The following CNTNAP5 variants were observed in gnomAD, a reference collection of about 807,000 sequenced individuals.
CNTNAP5 encodes the protein contactin-associated protein-like 5.
A neutral mutation model predicts 150.2 loss-of-function variants in CNTNAP5; 72 were observed. The observed-to-expected ratio is 0.48, with a 90% confidence interval of 0.40 to 0.58. The LOEUF is 0.58. Among genes scored for constraint, CNTNAP5 ranks in the 20% least tolerant of loss-of-function variants. The pLI is 0.00. For synonymous variants in CNTNAP5, 672 were observed against 619.8 expected, an observed-to-expected ratio of 1.08 and a Z score of -1.25; for missense variants, 1,636 against 1,626.2, an observed-to-expected ratio of 1.01 and a Z score of -0.10.
At chr2:124,468,275 G>C (rs1160399033) in intron 6 of CNTNAP5, among the ~76,000 whole-genome samples, 1 of 152,082 alleles carries the variant, frequency 6.6e-6, no homozygotes, top group Admixed American at 6.6e-5. Flanking sequence ...GGAAGGTAGT[G>C]GCTCAGTCCA....
At chr2:124,780,907 T>C (rs1681435908) in intron 17 of CNTNAP5, among the ~76,000 whole-genome samples, 1 of 152,232 alleles carries the variant, frequency 6.6e-6, no homozygotes, top group South Asian at 2.1e-4. Flanking sequence ...ATGATTGTTT[T>C]AAATTGAAAT....
chr2:124,449,393 A>G (rs1216522766), intron 6 of CNTNAP5, among the ~76,000 whole-genome samples: 1 of 152,160 alleles, frequency 6.6e-6, no homozygotes, highest in Non-Finnish European at 1.5e-5. Context: ...ACAAACAAAA[A>G]AACCTATAAA....
intron 13 of CNTNAP5, among the ~76,000 whole-genome samples, chr2:124,672,148 T>C (rs1358189489): frequency 2.0e-5 from 3 of 152,174 alleles, no homozygotes; most frequent in South Asian, 2.1e-4. Flanking sequence ...TCTTTTTGGC[T>C]TGGAGGTGGC....
chr2:124,862,900 G>A (rs1452405321), intron 19 of CNTNAP5, among the ~76,000 whole-genome samples: 6 of 152,162 alleles, frequency 3.9e-5, no homozygotes. Flanking sequence ...TCCTAAGAAG[G>A]CGAGTGAAGT....
intron 8 of CNTNAP5, among the ~76,000 whole-genome samples, chr2:124,505,450 TA>T (rs1320765723): frequency 6.6e-6 from 1 of 152,050 alleles, no homozygotes; most frequent in Non-Finnish European, 1.5e-5. Flanking sequence ...TAAAACCATT[TA>T]AAAAATATAT....
intron 17 of CNTNAP5, among the ~76,000 whole-genome samples, chr2:124,776,066 A>T (rs1186338604): frequency 6.6e-6 from 1 of 152,170 alleles, no homozygotes; most frequent in Admixed American, 6.5e-5. Context: ...AGGCTTGAAG[A>T]TCTGCTATCT....
intron 2 of CNTNAP5, among the ~76,000 whole-genome samples, chr2:124,239,292 A>T (rs973451922): frequency 1.3e-5 from 2 of 152,014 alleles, no homozygotes; most frequent in Admixed American, 1.3e-4. Flanking sequence ...CCTTGTTTCC[A>T]TTCTTCATGT....
intron 1 of CNTNAP5, among the ~76,000 whole-genome samples, chr2:124,079,765 T>C (rs1449254210): frequency 6.6e-6 from 1 of 152,162 alleles, no homozygotes; most frequent in Non-Finnish European, 1.5e-5. Context: ...AGGAATTTAT[T>C]TCATATGATG....
chr2:124,298,960 A>G (rs781279042), intron 3 of CNTNAP5, among the ~76,000 whole-genome samples: 1 of 152,182 alleles, frequency 6.6e-6, no homozygotes, highest in Admixed American at 6.5e-5. Context: ...TCATAGGACT[A>G]TCTCCTTAGT....
chr2:124,302,486 A>G (rs1366673150), intron 3 of CNTNAP5, among the ~76,000 whole-genome samples: 2 of 152,182 alleles, frequency 1.3e-5, no homozygotes, highest in African/African-American at 4.8e-5. Flanking sequence ...ATCCCATGGC[A>G]GAATGTGAAG....
chr2:124,065,299 A>G (rs1682125976), intron 1 of CNTNAP5, among the ~76,000 whole-genome samples: 1 of 152,212 alleles, frequency 6.6e-6, no homozygotes, highest in Non-Finnish European at 1.5e-5. Context: ...CTGATAAACA[A>G]GATAAACATT....
intron 1 of CNTNAP5, among the ~76,000 whole-genome samples, chr2:124,211,392 T>C (rs1215585972): frequency 6.6e-6 from 1 of 152,142 alleles, no homozygotes; most frequent in Non-Finnish European, 1.5e-5. Flanking sequence ...ATCATCCCCA[T>C]TACATGTAGA....
intron 13 of CNTNAP5, among the ~76,000 whole-genome samples, chr2:124,705,679 A>G (rs779752375): frequency 8.5e-5 from 13 of 152,194 alleles, no homozygotes; most frequent in Non-Finnish European, 1.6e-4. Flanking sequence ...CCATAAAACA[A>G]ATGATTTTTT....
At chr2:124,287,611 C>T (rs1688186942) in intron 3 of CNTNAP5, among the ~76,000 whole-genome samples, 1 of 152,164 alleles carries the variant, frequency 6.6e-6, no homozygotes, top group Non-Finnish European at 1.5e-5. Flanking sequence ...AATGTATCCA[C>T]AGATTTACCT....
At chr2:124,569,269 T>C (rs1696098934) in intron 11 of CNTNAP5, among the ~76,000 whole-genome samples, 1 of 152,212 alleles carries the variant, frequency 6.6e-6, no homozygotes, top group South Asian at 2.1e-4. Flanking sequence ...TATTGTTTAC[T>C]ACAACTTGTA....
At chr2:124,640,869 G>A (rs1425257845) in intron 12 of CNTNAP5, among the ~76,000 whole-genome samples, 1 of 151,976 alleles carries the variant, frequency 6.6e-6, no homozygotes, top group Non-Finnish European at 1.5e-5. Flanking sequence ...GCTCACGCTT[G>A]TAATCCCAGC....
chr2:124,612,881 C>T (rs1365595730), intron 12 of CNTNAP5, among the ~76,000 whole-genome samples: 1 of 151,976 alleles, frequency 6.6e-6, no homozygotes, highest in African/African-American at 2.4e-5. Flanking sequence ...GGTGAAAACC[C>T]ATCTCTACTA....
At chr2:124,247,492 G>T (rs1160338426) in intron 3 of CNTNAP5, among the ~76,000 whole-genome samples, 1 of 152,044 alleles carries the variant, frequency 6.6e-6, no homozygotes, top group Non-Finnish European at 1.5e-5. Context: ...AATGTGAGGG[G>T]CTTAGACTAC....
chr2:124,606,367 G>T (rs1219220229), intron 11 of CNTNAP5, among the ~76,000 whole-genome samples: 1 of 141,212 alleles, frequency 7.1e-6, no homozygotes, highest in Non-Finnish European at 1.5e-5. Context: ...ACTTGTAAAA[G>T]TAAAAAAAAA....
Sources: allele counts gnomAD v4.1 joint callset (sites outside exome capture counted in the v4.1 genomes callset), GRCh38; gene constraint gnomAD v4.1.1; transcripts MANE v1.5; gene names NCBI Gene and HGNC (gene_info 2026-07-23, HGNC 2026-07-21).